Variants in STK32B observed in about 807,000 individuals in gnomAD.
STK32B encodes serine/threonine-protein kinase 32B.
A neutral mutation model predicts 52.6 loss-of-function variants in STK32B; 43 were observed. The ratio of observed to expected loss-of-function variants is 0.82; its 90% CI spans 0.64 to 1.05. STK32B has a LOEUF of 1.05. Ranked by LOEUF, STK32B falls within the 50% of genes least tolerant of loss-of-function variation. The pLI is 0.00. For missense variants in STK32B, 621 were observed against 534.6 expected, an observed-to-expected ratio of 1.16 and a Z score of -1.59; for synonymous variants, 238 against 204.3, an observed-to-expected ratio of 1.17 and a Z score of -1.41.
chr4:5,398,365 C>G lies in STK32B; in HGVS notation c.472+121C>G. On this transcript the variant is annotated intron_variant, in intron 5 of 11. Coordinates refer to ENST00000282908, the MANE Select transcript of STK32B (RefSeq NM_018401.3). This position sits in a 1 kb window ranked among gnomAD's most constrained non-coding sequence, Gnocchi z 4.9. ...GACATTAGCATTGGCTAGAAACCTT[C>G]TCTTGTTTCAATCCTGGTGGATCAA... 2.0e-6 allele frequency: 2 copies of G among 1,005,890 alleles called. No homozygotes were observed. The highest frequency in any genetic ancestry group is 3.0e-6 in the Non-Finnish European group (2 of 667,154). The allele number at this position is 1,005,890 out of a possible 1,614,324, so 62.3% of individuals were successfully genotyped here. A position where few individuals can be genotyped will look rare whatever the true frequency, so the allele number is the denominator to read the frequency against.
At chr4:5,166,245 T>A (rs1718862445) in intron 2 of STK32B, among the ~76,000 whole-genome samples, 2 of 151,826 alleles carry the variant, frequency 1.3e-5, no homozygotes, top group Non-Finnish European at 2.9e-5. Flanking sequence ...ACACTGTGGG[T>A]GAAAAGTGAC....
chr4:5,132,758 T>G (rs1277316033), intron 1 of STK32B, among the ~76,000 whole-genome samples: 2 of 152,174 alleles, frequency 1.3e-5, no homozygotes, highest in African/African-American at 4.8e-5. Context: ...ACCTGGAAAT[T>G]CATACACCTG....
chr4:5,093,686 C>T (rs753071165), intron 1 of STK32B, among the ~76,000 whole-genome samples: 1 of 151,648 alleles, frequency 6.6e-6, no homozygotes, highest in Non-Finnish European at 1.5e-5. Context: ...ACGTTGTGCA[C>T]ATGTACCCTA....
At chr4:5,448,039 G>A (rs1212715228) in intron 7 of STK32B, among the ~76,000 whole-genome samples, 1 of 152,232 alleles carries the variant, frequency 6.6e-6, no homozygotes, top group Non-Finnish European at 1.5e-5. Flanking sequence ...GTTGTAATGG[G>A]TGTTGACTGA....
chr4:5,405,707 T>G (rs578158156), intron 5 of STK32B, among the ~76,000 whole-genome samples: 3 of 152,086 alleles, frequency 2.0e-5, no homozygotes, highest in Non-Finnish European at 4.4e-5. Context: ...CACACTTTTA[T>G]AAACAACAAG....
intron 3 of STK32B, among the ~76,000 whole-genome samples, chr4:5,213,702 G>A (rs1389016416): frequency 2.0e-5 from 3 of 152,086 alleles, no homozygotes; most frequent in Non-Finnish European, 4.4e-5. Flanking sequence ...TCTCATTTCT[G>A]ATTGCAGCCC....
At chr4:5,255,582 A>G (rs140937522) in intron 3 of STK32B, among the ~76,000 whole-genome samples, 13 of 152,218 alleles carry the variant, frequency 8.5e-5, no homozygotes, top group African/African-American at 1.9e-4. Context: ...TTCCCAGTCA[A>G]TGCCCCACCA....
At chr4:5,052,262 CGA>C (rs1741819154) in intron 1 of STK32B, among the ~76,000 whole-genome samples, 1 of 152,080 alleles carries the variant, frequency 6.6e-6, no homozygotes, top group Non-Finnish European at 1.5e-5. Context: ...CCCAGGAAAC[CGA>C]GGTTTCCTTG....
intron 11 of STK32B, among the ~76,000 whole-genome samples, chr4:5,484,029 A>C (rs1718942640): frequency 6.6e-6 from 1 of 152,124 alleles, no homozygotes; most frequent in Admixed American, 6.5e-5. Context: ...ATTTTGGAAT[A>C]GGTGTGGTGT....
chr4:5,444,883 G>C (rs146048854), intron 6 of STK32B, among the ~76,000 whole-genome samples: 1 of 152,102 alleles, frequency 6.6e-6, no homozygotes, highest in East Asian at 1.9e-4. Context: ...TGTTTCCCAG[G>C]GCACAATGTC....
At position 5,400,718 on chromosome 4, in the gene STK32B, C is replaced by A. The variant is rs1197010055; in HGVS notation, c.472+2474C>A. Among the ~76,000 whole-genome samples the A allele has an allele frequency of 6.6e-6, 1 of 152,160 alleles. No individual in the cohort carries two copies. On this transcript the variant is annotated intron_variant, in intron 5 of 11. Coordinates refer to ENST00000282908, the MANE Select transcript of STK32B (RefSeq NM_018401.3). The surrounding 1 kb of genome is among the most constrained non-coding windows in gnomAD (Gnocchi z 6.1). ...GAAGAGAAAGAGAGAATTCTATGCC[C>A]ATGGCCCTCCTTTACCTGCTCTTCT...
intron 2 of STK32B, among the ~76,000 whole-genome samples, chr4:5,155,219 C>T (rs1717714742): frequency 6.6e-6 from 1 of 152,204 alleles, no homozygotes; most frequent in Admixed American, 6.5e-5. Flanking sequence ...AGAATGCCCA[C>T]CCTCTTCGTC....
At chr4:5,061,940 T>G (rs1241428050) in intron 1 of STK32B, among the ~76,000 whole-genome samples, 1 of 152,196 alleles carries the variant, frequency 6.6e-6, no homozygotes, top group Non-Finnish European at 1.5e-5. Context: ...TCCTGGATAT[T>G]TGTCCCAAAG....
intron 3 of STK32B, among the ~76,000 whole-genome samples, chr4:5,210,526 C>A (rs1429743350): frequency 2.0e-5 from 3 of 152,118 alleles, no homozygotes; most frequent in Non-Finnish European, 2.9e-5. Context: ...CACTGTTGTA[C>A]TTTGTGTCCT....
chr4:5,257,523 G>T (rs1007891677), intron 3 of STK32B, among the ~76,000 whole-genome samples: 2 of 152,190 alleles, frequency 1.3e-5, no homozygotes, highest in Non-Finnish European at 2.9e-5. Flanking sequence ...CAGCCCTATG[G>T]GTCTTCTTGC....
intron 3 of STK32B, among the ~76,000 whole-genome samples, chr4:5,275,441 A>C (rs1191750370): frequency 6.6e-6 from 1 of 152,180 alleles, no homozygotes; most frequent in African/African-American, 2.4e-5. Flanking sequence ...ATCGTGGTTC[A>C]TGTCTGGGCA....
chr4:5,337,915 C>T (rs1353505168), intron 4 of STK32B, among the ~76,000 whole-genome samples: 1 of 152,084 alleles, frequency 6.6e-6, no homozygotes, highest in Non-Finnish European at 1.5e-5. Flanking sequence ...ATGACTAAGT[C>T]TCCTGGGATT....
intron 1 of STK32B, among the ~76,000 whole-genome samples, chr4:5,070,148 G>A (rs568669946): frequency 6.6e-6 from 1 of 152,226 alleles, no homozygotes; most frequent in South Asian, 2.1e-4. Flanking sequence ...ATTCTCCTAG[G>A]AAACAGCACA....
chr4:5,381,159 T>C (rs1735911275), intron 4 of STK32B, among the ~76,000 whole-genome samples: 1 of 152,238 alleles, frequency 6.6e-6, no homozygotes, highest in Non-Finnish European at 1.5e-5. Context: ...GAAAATGTGA[T>C]AGAATGAATG....
Sources: gnomAD v4.1 joint callset for allele counts (sites outside exome capture counted in the v4.1 genomes callset) on GRCh38, gnomAD v4.1.1 for gene constraint, Gnocchi (gnomAD v3.1) non-coding constraint, MANE v1.5 for transcripts, NCBI Gene and HGNC (gene_info 2026-07-23, HGNC 2026-07-21) for gene names.